The following DLGAP4 variants were observed in gnomAD, a reference collection of about 807,000 sequenced individuals.
The protein encoded by DLGAP4 is DLG associated protein 4.
In DLGAP4, 18 loss-of-function variants were observed where a neutral mutation model predicts 86.9. The observed-to-expected ratio is 0.21, with a 90% CI of 0.14 to 0.31. The LOEUF is 0.31. Among genes scored for constraint, DLGAP4 ranks in the 10% least tolerant of loss-of-function variants. DLGAP4 has a pLI of 1.00. For synonymous variants in DLGAP4, 548 were observed against 574.3 expected (o/e 0.95, Z 0.65); for missense variants, 1,085 against 1,362.6 (o/e 0.80, Z 3.21).
chr20:36,510,018 C>G lies in DLGAP4; in HGVS notation c.2512+9407C>G, dbSNP rs1004696591. On this transcript the variant is annotated intron_variant, in intron 10 of 12. Coordinates refer to ENST00000339266, the MANE Select transcript of DLGAP4 (RefSeq NM_001365621.2). The stretch of plus-strand genomic sequence containing the variant: ...ATTACAGGCATGCGCCACCACGCCC[C>G]ACTAATTTTGTATTTTTAGTGTTGG... 2.0e-5 allele frequency among the ~76,000 whole-genome samples: 3 copies of G among 151,522 alleles called. 1 individual carries two copies. Among genetic ancestry groups the G allele is most frequent in the South Asian group, 4.2e-4 (2 of 4,786 alleles).
chr20:36,462,527 T>C (rs764845544), intron 7 of DLGAP4: 2 of 1,601,680 alleles, frequency 1.2e-6, no homozygotes, highest in Non-Finnish European at 1.7e-6. Flanking sequence ...CCTTTTTCTG[T>C]CTTTGCCGGG....
chr20:36,518,417 C>T (rs1453551441), intron 10 of DLGAP4, among the ~76,000 whole-genome samples: 1 of 151,916 alleles, frequency 6.6e-6, no homozygotes, highest in Non-Finnish European at 1.5e-5. Context: ...ATTAATTTCT[C>T]TTCTCTTTGG....
At chr20:36,453,064 C>T (rs188395327) in intron 7 of DLGAP4, among the ~76,000 whole-genome samples, 128 of 152,158 alleles carry the variant, frequency 8.4e-4, no homozygotes, top group African/African-American at 2.9e-3. Flanking sequence ...AACTCCTGAC[C>T]TCAAGTGATA....
intron 11 of DLGAP4, chr20:36,525,458 A>G (rs903162556): frequency 1.2e-4 from 33 of 283,774 alleles, no homozygotes; most frequent in Admixed American, 1.1e-3. Context: ...CATGGAACAG[A>G]GTGACACGAG....
chr20:36,469,507 C>T (rs1193223413), intron 7 of DLGAP4, among the ~76,000 whole-genome samples: 1 of 152,160 alleles, frequency 6.6e-6, no homozygotes, highest in Non-Finnish European at 1.5e-5. Context: ...AATCCCAGCA[C>T]TTTGAGAGGC....
chr20:36,450,355 A>C (rs550531462), intron 7 of DLGAP4, among the ~76,000 whole-genome samples: 2 of 152,292 alleles, frequency 1.3e-5, no homozygotes, highest in Non-Finnish European at 2.9e-5. Flanking sequence ...AAAATTAGCC[A>C]GGCGTGGTGG....
chr20:36,408,682 T>A (rs1230865576), intron 2 of DLGAP4, among the ~76,000 whole-genome samples: 1 of 152,224 alleles, frequency 6.6e-6, no homozygotes, highest in African/African-American at 2.4e-5. Context: ...TGAGGTCAGG[T>A]CAGGTCATGC....
chr20:36,386,673 C>T (rs1166231140), intron 2 of DLGAP4, among the ~76,000 whole-genome samples: 5 of 152,122 alleles, frequency 3.3e-5, no homozygotes, highest in South Asian at 2.1e-4. Context: ...CAGCCTCGAC[C>T]TCCCAGGCTC....
chr20:36,426,980 C>T (rs948098532), intron 2 of DLGAP4, among the ~76,000 whole-genome samples: 5 of 150,802 alleles, frequency 3.3e-5, no homozygotes, highest in Non-Finnish European at 7.4e-5. Flanking sequence ...GAGTTCCAGA[C>T]CAGCTTGGGC....
chr20:36,499,349 ATCCCACC>A, intron 8 of DLGAP4: 1 of 1,590,154 alleles, frequency 6.3e-7, no homozygotes, highest in African/African-American at 1.4e-5. Flanking sequence ...TCTCCACCCC[ATCCCACC>A]TCCCGCCCAC....
chr20:36,408,387 C>T (rs969217646), intron 2 of DLGAP4, among the ~76,000 whole-genome samples: 19 of 152,070 alleles, frequency 1.2e-4, no homozygotes, highest in African/African-American at 1.9e-4. Flanking sequence ...GAGGACTAAG[C>T]GGGCGGGATG....
intron 2 of DLGAP4, among the ~76,000 whole-genome samples, chr20:36,425,441 G>A (rs1208231753): frequency 6.6e-6 from 1 of 152,202 alleles, no homozygotes; most frequent in Non-Finnish European, 1.5e-5. Flanking sequence ...GTTCTGGCAA[G>A]ATCTGGGAAA....
At chr20:36,310,635 A>T (rs1367966285) in intron 1 of DLGAP4, among the ~76,000 whole-genome samples, 1 of 152,114 alleles carries the variant, frequency 6.6e-6, no homozygotes, top group Non-Finnish European at 1.5e-5. Flanking sequence ...GTTTATTAGT[A>T]AGGTCTCCAA....
chr20:36,341,553 C>G (rs2065380787), intron 1 of DLGAP4, among the ~76,000 whole-genome samples: 1 of 152,242 alleles, frequency 6.6e-6, no homozygotes, highest in African/African-American at 2.4e-5. Context: ...GGTGCGGTTT[C>G]CATCCTTCCT....
intron 1 of DLGAP4, among the ~76,000 whole-genome samples, chr20:36,320,032 C>CCCAGGCCTCCCTCTGTGTCCCTCTCCT (rs2065150486): frequency 6.7e-6 from 1 of 149,878 alleles, no homozygotes; most frequent in African/African-American, 2.5e-5. Context: ...GTCCCCCTCT[C>CCCAGGCCTCCCTCTGTGTCCCTCTCCT]CCAGGCCTCC....
chr20:36,477,246 C>T (rs1258683608), intron 7 of DLGAP4, among the ~76,000 whole-genome samples: 1 of 151,998 alleles, frequency 6.6e-6, no homozygotes, highest in Non-Finnish European at 1.5e-5. Flanking sequence ...CAGGCACCCG[C>T]CACCACGCCC....
At chr20:36,385,678 G>C (rs952178527) in intron 2 of DLGAP4, among the ~76,000 whole-genome samples, 5 of 152,210 alleles carry the variant, frequency 3.3e-5, no homozygotes, top group Non-Finnish European at 7.3e-5. Flanking sequence ...TCCTCCACCA[G>C]CCTCCCTAAT....
At chr20:36,370,347 A>AAAAT (rs1213245821) in intron 2 of DLGAP4, among the ~76,000 whole-genome samples, 2 of 152,056 alleles carry the variant, frequency 1.3e-5, no homozygotes, top group Non-Finnish European at 2.9e-5. Context: ...AAAAAAAAAA[A>AAAAT]AAATTTAAAT....
chr20:36,317,218 TCC>T (rs2065108795), intron 1 of DLGAP4, among the ~76,000 whole-genome samples: 2 of 144,096 alleles, frequency 1.4e-5, no homozygotes, highest in Non-Finnish European at 3.0e-5. Context: ...TTCCTTCCTC[TCC>T]TTTTTTCTTT....
Sources: allele counts gnomAD v4.1 joint callset (sites outside exome capture counted in the v4.1 genomes callset), GRCh38; gene constraint gnomAD v4.1.1; transcripts MANE v1.5; gene names NCBI Gene and HGNC (gene_info 2026-07-23, HGNC 2026-07-21).